The following MYO18B variants were observed in gnomAD, a reference collection of about 807,000 sequenced individuals.
MYO18B encodes the protein myosin XVIIIB, also known as unconventional myosin-XVIIIb.
Under a neutral mutation model 273.0 loss-of-function variants are expected in MYO18B, and 204 were observed. The observed-to-expected ratio is 0.75, with a 90% CI of 0.67 to 0.84. The LOEUF is 0.84. MYO18B is among the 40% of genes least tolerant of loss of function. The pLI, the probability that MYO18B is intolerant of heterozygous loss-of-function variation, is 0.00. For missense variants in MYO18B, 3,212 were observed against 3,287.6 expected (o/e 0.98, Z 0.56); for synonymous variants, 1,330 against 1,305.7 (o/e 1.02, Z -0.40).
At chr22:25,788,939 A>G (rs566221762) in intron 11 of MYO18B, among the ~76,000 whole-genome samples, 1 of 152,342 alleles carries the variant, frequency 6.6e-6, no homozygotes, top group African/African-American at 2.4e-5. Context: ...TAGGAGAGCA[A>G]GAGTCCACCT....
chr22:25,903,839 A>G lies in MYO18B; in HGVS notation c.5148+8A>G. ...ATCAAGCAGCTGGAGCAGGTAGGAA[A>G]GCCCTGTCTCAGGGCAACACCCTGT... On this transcript the variant is annotated splice_region_variant and intron_variant, in intron 31 of 43. Transcript: ENST00000335473. The G allele has an allele frequency of 1.3e-6, 2 of 1,590,012 alleles. No homozygotes were observed. Among genetic ancestry groups the G allele is most frequent in the Non-Finnish European group, 1.7e-6 (2 of 1,168,754 alleles).
rs1785737177 is a variant in MYO18B at position 26,026,927 on chromosome 22, G to A, written c.6953G>A (p.Gly2318Asp). ...KSPLEIEGAA[G>D]GLLRSTSLKC... The stretch of plus-strand genomic sequence containing the variant: ...CCCCTGGAAATCGAAGGGGCCGCTG[G>A]TGGTCTCTTGAGGTCCACCAGCCTC... The change falls in exon 43 of 44, where the codon GGT becomes GAT. Residue 2318 changes from glycine (G) to aspartate (D), a missense_variant. Physicochemically the swap from Gly to Asp is moderately conservative, Grantham distance 94 (BLOSUM62 -1). Transcript: ENST00000335473. 1.2e-6 allele frequency: 2 copies of A among 1,612,594 alleles called. No individual in the cohort carries two copies. The highest frequency in any genetic ancestry group is 1.7e-6 in the Non-Finnish European group (2 of 1,179,034).
intron 17 of MYO18B, among the ~76,000 whole-genome samples, chr22:25,839,301 G>A (rs2090014004): frequency 6.6e-6 from 1 of 152,124 alleles, no homozygotes; most frequent in Non-Finnish European, 1.5e-5. Context: ...TTTTCATGGA[G>A]GAAGGTGCCC....
chr22:26,037,589 A>T, the MYO18B span, among the ~76,000 whole-genome samples: 1 of 152,184 alleles, frequency 6.6e-6, no homozygotes, highest in African/African-American at 2.4e-5. Flanking sequence ...CGGTGCTCCA[A>T]TCTGGGCCTA....
Position 26,004,866 on chromosome 22 carries a change from C to A in MYO18B, c.6470+11C>A, listed in dbSNP as rs1397769451. On this transcript the variant is annotated intron_variant, in intron 42 of 43. Coordinates refer to ENST00000335473, the MANE Select transcript of MYO18B (RefSeq NM_032608.7). The stretch of plus-strand genomic sequence containing the variant: ...CATCCTCAGCCCCAGGTAAGAGTAT[C>A]TCCTTGCTGCCTCTGGATGGCTAAT... 1 of 1,613,362 alleles carries A rather than the reference C, an allele frequency of 6.2e-7. No individual in the cohort carries two copies. Among genetic ancestry groups the A allele is most frequent in the Admixed American group, 1.7e-5 (1 of 59,976 alleles).
At chr22:25,760,434 A>AAAAATC (rs59165419) in intron 1 of MYO18B, among the ~76,000 whole-genome samples, 2 of 111,530 alleles carry the variant, frequency 1.8e-5, no homozygotes, top group South Asian at 3.0e-4. Context: ...AAAAAAAAAA[A>AAAAATC]CACAAAAACA....
At chr22:26,059,796 AC>A in the MYO18B span, among the ~76,000 whole-genome samples, 1 of 152,152 alleles carries the variant, frequency 6.6e-6, no homozygotes, top group Non-Finnish European at 1.5e-5. Flanking sequence ...TTCAAAATCA[AC>A]CCCCTGTTGT....
chr22:25,882,754 A>C (rs1024096547), intron 25 of MYO18B, among the ~76,000 whole-genome samples: 5 of 152,144 alleles, frequency 3.3e-5, no homozygotes, highest in Admixed American at 6.5e-5. Context: ...AAAAATTTTT[A>C]AATAGTTTTA....
chr22:26,008,844 C>T (rs1934654625), intron 42 of MYO18B, among the ~76,000 whole-genome samples: 3 of 152,186 alleles, frequency 2.0e-5, no homozygotes, highest in South Asian at 2.1e-4. Flanking sequence ...GATGAGAGTG[C>T]GAGGGCAGTG....
At chr22:25,995,676 GAA>G (rs1447800861) in intron 40 of MYO18B, among the ~76,000 whole-genome samples, 1 of 152,162 alleles carries the variant, frequency 6.6e-6, no homozygotes, top group African/African-American at 2.4e-5. Flanking sequence ...GCGTAGGGGA[GAA>G]ATCCCCTCTG....
intron 7 of MYO18B, among the ~76,000 whole-genome samples, chr22:25,772,833 C>T (rs537601167): frequency 1.3e-5 from 2 of 152,352 alleles, no homozygotes; most frequent in East Asian, 3.9e-4. Context: ...TTGAGTCTCA[C>T]ATATCCACCT....
At chr22:25,940,789 C>T (rs2092634611) in intron 34 of MYO18B, among the ~76,000 whole-genome samples, 1 of 152,210 alleles carries the variant, frequency 6.6e-6, no homozygotes, top group African/African-American at 2.4e-5. Context: ...ATCCCCAGGC[C>T]AAAGCTTAGC....
chr22:25,930,706 T>C (rs941469643), intron 34 of MYO18B, among the ~76,000 whole-genome samples: 1 of 151,972 alleles, frequency 6.6e-6, no homozygotes, highest in Non-Finnish European at 1.5e-5. Context: ...ACTCCTGGGC[T>C]CAAGTGATCC....
In MYO18B at chr22:25,947,810, C is replaced by A. The variant is rs371467143; in HGVS notation, c.5730C>A (p.His1910Gln). The A allele has an allele frequency of 6.2e-7, 1 of 1,613,640 alleles. No individual in the cohort carries two copies. Among genetic ancestry groups the A allele is most frequent in the Non-Finnish European group, 8.5e-7 (1 of 1,179,762 alleles). Residue 1910 changes from histidine to glutamine, a missense_variant, in exon 36 of 44, where the codon CAC becomes CAA. Physicochemically the swap from His to Gln is conservative, Grantham distance 24. Coordinates refer to ENST00000335473, the MANE Select transcript of MYO18B (RefSeq NM_032608.7). ...QDDLNELMQKHKDLIAQSAAD... is the reference protein window; with the variant it reads ...QDDLNELMQKQKDLIAQSAAD... ...ACCTGAATGAGCTGATGCAGAAGCA[C>A]AAGGACCTCATTGCTCAGGTAGTGA...
intron 1 of MYO18B, among the ~76,000 whole-genome samples, chr22:25,746,224 A>T (rs1018220403): frequency 6.6e-6 from 1 of 152,210 alleles, no homozygotes; most frequent in Admixed American, 6.5e-5. Context: ...ATAGAAGAGG[A>T]AACTCAGCAT....
At chr22:25,814,939 A>G (rs1040734200) in intron 12 of MYO18B, among the ~76,000 whole-genome samples, 3 of 152,248 alleles carry the variant, frequency 2.0e-5, no homozygotes, top group African/African-American at 4.8e-5. Flanking sequence ...AGGGAGGGGA[A>G]GAGCCCAATC....
rs188815275 is a variant in MYO18B at position 25,810,735 on chromosome 22, C to T, written c.2521+12638C>T. Among the ~76,000 whole-genome samples, 164 of 151,850 alleles carry T rather than the reference C, an allele frequency of 1.1e-3. 3 individuals are homozygous for T. Among genetic ancestry groups the T allele is most frequent in the Admixed American group, 0.01 (155 of 15,274 alleles). ...ACAGGTGTGACCCACCGTGCTTGGCCGACTTTAATTCTGAAAGCATTTTAG... is the reference window on the plus strand; with the variant it reads ...ACAGGTGTGACCCACCGTGCTTGGCTGACTTTAATTCTGAAAGCATTTTAG... On this transcript the variant is annotated intron_variant, in intron 12 of 43. Coordinates refer to ENST00000335473, the MANE Select transcript of MYO18B (RefSeq NM_032608.7).
At chr22:25,845,442 G>A (rs1299342606) in intron 18 of MYO18B, among the ~76,000 whole-genome samples, 1 of 152,132 alleles carries the variant, frequency 6.6e-6, no homozygotes, top group Non-Finnish European at 1.5e-5. Context: ...GCTTGAACCC[G>A]GGAGGCGGAG....
rs1443918598 is a variant in MYO18B, at chr22:25,763,360, C to G, written c.169C>G (p.Gln57Glu). 1.2e-6 allele frequency: 2 copies of G among 1,612,038 alleles called. No individual in the cohort carries two copies. The highest frequency in any genetic ancestry group is 4.5e-5 in the East Asian group (2 of 44,862). The change falls in exon 3 of 44, where the codon CAG (glutamine) becomes GAG (glutamate). Residue 57 changes from glutamine to glutamate, a missense_variant. By Grantham distance (29) the Gln-to-Glu change is conservative. Coordinates refer to ENST00000335473, the MANE Select transcript of MYO18B (RefSeq NM_032608.7). ...KEAKEARQRK[Q>E]LAVASPEREI... Reference sequence around the variant, plus strand: ...GGCCAAGGAAGCGAGACAGAGGAAGCAGTTAGCTGTCGCCTCTCCAGAACG... The same window carrying G: ...GGCCAAGGAAGCGAGACAGAGGAAGGAGTTAGCTGTCGCCTCTCCAGAACG...
Sources: gnomAD v4.1 joint callset for allele counts (sites outside exome capture counted in the v4.1 genomes callset) on GRCh38, gnomAD v4.1.1 for gene constraint, MANE v1.5 for transcripts, NCBI Gene and HGNC (gene_info 2026-07-23, HGNC 2026-07-21) for gene names.